TIAM2: variants seen among roughly 807,000 people sequenced by gnomAD.
The protein encoded by TIAM2 is rho guanine nucleotide exchange factor TIAM2.
TIAM2 carries 80 observed loss-of-function variants against 152.9 expected under a neutral mutation model. That is an observed-to-expected ratio of 0.52 (90% CI 0.44 to 0.63). The LOEUF is 0.63. Ranked by LOEUF, TIAM2 falls within the 30% of genes least tolerant of loss-of-function variation. TIAM2 has a pLI of 0.00. For missense variants in TIAM2, 1,965 were observed against 2,120.1 expected, an observed-to-expected ratio of 0.93 and a Z score of 1.44; for synonymous variants, 804 against 838.0, an observed-to-expected ratio of 0.96 and a Z score of 0.70.
intron 2 of TIAM2, among the ~76,000 whole-genome samples, chr6:155,104,064 ACC>A (rs1318379082): frequency 2.0e-5 from 1 of 49,032 alleles, no homozygotes; most frequent in African/African-American, 7.6e-5. Context: ...ACCCCCACAC[ACC>A]CCCACACACC....
chr6:155,091,728 AAGT>A (rs1377949570), intron 2 of TIAM2, among the ~76,000 whole-genome samples: 3 of 152,140 alleles, frequency 2.0e-5, no homozygotes, highest in Non-Finnish European at 2.9e-5. Context: ...GAATATCCAA[AAGT>A]AGTATCTAAT....
chr6:155,186,424 A>T lies in TIAM2; in HGVS notation c.3064+2924A>T, dbSNP rs1233194245. Among the ~76,000 whole-genome samples the T allele has an allele frequency of 6.6e-6, 1 of 151,422 alleles. No individual in the cohort carries two copies. The highest frequency in any genetic ancestry group is 6.6e-5 in the Admixed American group (1 of 15,210). ...ATGGGCTTCCTGCCCTTCTTGCCTCACTGTCCCTACCCCTTCCTTTGGGAA... is the reference window on the plus strand; with the variant it reads ...ATGGGCTTCCTGCCCTTCTTGCCTCTCTGTCCCTACCCCTTCCTTTGGGAA... On this transcript the variant is annotated intron_variant, in intron 14 of 26. Transcript: ENST00000682666. The surrounding 1 kb of genome is among the most constrained non-coding windows in gnomAD (Gnocchi z 4.5).
intron 2 of TIAM2, among the ~76,000 whole-genome samples, chr6:155,122,790 CG>C (rs1000178946): frequency 6.6e-6 from 1 of 151,730 alleles, no homozygotes; most frequent in Non-Finnish European, 1.5e-5. Context: ...GGGGTTGCTG[CG>C]GGTGACTGTA....
chr6:155,144,655 G>A lies in TIAM2; in HGVS notation c.1680G>A (p.Gln560=). The change falls in exon 6 of 27, where the codon CAG becomes CAA. Residue 560 remains glutamine, a synonymous_variant. Coordinates refer to ENST00000682666, the MANE Select transcript of TIAM2 (RefSeq NM_012454.4). The stretch of plus-strand genomic sequence containing the variant: ...CCTATGGGAAGAATTCCATGGATCA[G>A]AGCAGTGCCCCTCGGTGTGCTCTGT... The part of the protein sequence containing the change: ...YETYGKNSMD[Q]SSAPRCALFA... 1 of 1,601,158 alleles carries A rather than the reference G, an allele frequency of 6.2e-7. No individual in the cohort carries two copies. The highest frequency in any genetic ancestry group is 1.3e-5 in the African/African-American group (1 of 74,164).
chr6:155,246,528 G>C (rs1263393586), intron 19 of TIAM2, among the ~76,000 whole-genome samples: 3 of 152,040 alleles, frequency 2.0e-5, no homozygotes, highest in Non-Finnish European at 4.4e-5. Flanking sequence ...GTAGAAATGG[G>C]TCTCACTGTG....
At chr6:155,148,373 A>G in intron 7 of TIAM2, 39 bp downstream of exon 7, 1 of 1,578,178 alleles carries the variant, frequency 6.3e-7, no homozygotes, top group Non-Finnish European at 8.6e-7. Context: ...TCCATTGCTC[A>G]TGTCACTTGT....
Position 155,256,604 on chromosome 6 carries a change from G to A in TIAM2, c.4589G>A (p.Ser1530Asn), listed in dbSNP as rs201441977. 638 of 1,614,090 alleles carry A rather than the reference G, an allele frequency of 4.0e-4. No individual in the cohort carries two copies. Among genetic ancestry groups the A allele is most frequent in the Non-Finnish European group, 5.3e-4 (622 of 1,180,046 alleles). The change falls in exon 27 of 27, where the codon AGC becomes AAC. Residue 1530 changes from serine to asparagine, a missense_variant. Coordinates refer to ENST00000682666, the MANE Select transcript of TIAM2 (RefSeq NM_012454.4). ...AGCTTGAGCAGCGGCACCCAGAGCA[G>A]CGGCTGCCCCACGGCTGAGGGCAGG... Reference protein sequence around the residue: ...EGSLSSGTQSSGCPTAEGRQD... With the variant: ...EGSLSSGTQSNGCPTAEGRQD...
At chr6:155,157,813 G>T (rs756592637) in intron 7 of TIAM2, among the ~76,000 whole-genome samples, 22 of 152,154 alleles carry the variant, frequency 1.4e-4, no homozygotes, top group Non-Finnish European at 2.8e-4. Flanking sequence ...ACCAGGTGAT[G>T]AATTGTTTTG....
intron 1 of TIAM2, among the ~76,000 whole-genome samples, chr6:155,034,058 T>A (rs79203399): frequency 2.5e-4 from 34 of 138,150 alleles, no homozygotes; most frequent in Middle Eastern, 3.9e-3. Flanking sequence ...TTTTTTTTTT[T>A]CCTGCCTCCC....
At chr6:155,207,673 C>A (rs1206620754) in intron 14 of TIAM2, among the ~76,000 whole-genome samples, 1 of 152,148 alleles carries the variant, frequency 6.6e-6, no homozygotes, top group South Asian at 2.1e-4. Flanking sequence ...AGTTAAGGGG[C>A]TCTAGGGGGC....
chr6:155,083,208 G>A (rs1398909618), intron 1 of TIAM2, among the ~76,000 whole-genome samples: 1 of 151,986 alleles, frequency 6.6e-6, no homozygotes, highest in Admixed American at 6.6e-5. Context: ...AATTAGCCGG[G>A]GATGGTGGCG....
At chr6:155,024,643 C>A (rs1370567554) in intron 1 of TIAM2, among the ~76,000 whole-genome samples, 2 of 77,688 alleles carry the variant, frequency 2.6e-5, no homozygotes. Context: ...TGGTATAAAT[C>A]CATGTCTTTA....
In TIAM2 at chr6:155,028,454, CATATA is replaced by C. The variant is rs201205772; in HGVS notation, c.-209+32968_-209+32972del. ...TATATATACTGTGTTACATATACTA[CATATA>C]ATATATATACTGTGTTACATATACT... On this transcript the variant is annotated intron_variant, in intron 1 of 26. Coordinates refer to ENST00000682666, the MANE Select transcript of TIAM2 (RefSeq NM_012454.4). Among the ~76,000 whole-genome samples the C allele has an allele frequency of 7.5e-3, 990 of 131,484 alleles. 22 individuals are homozygous for C. The highest frequency in any genetic ancestry group is 0.012 in the Non-Finnish European group (739 of 63,576). The allele number at this position is 131,484 out of a possible 152,430, so 86.3% of individuals were successfully genotyped here.
intron 1 of TIAM2, among the ~76,000 whole-genome samples, chr6:155,036,672 C>T (rs1477220561): frequency 6.6e-6 from 1 of 151,452 alleles, no homozygotes; most frequent in African/African-American, 2.4e-5. Context: ...GGCTGGAGTG[C>T]AATGGCATGA....
At chr6:155,060,950 G>A (rs1168826479) in intron 1 of TIAM2, among the ~76,000 whole-genome samples, 1 of 151,486 alleles carries the variant, frequency 6.6e-6, no homozygotes, top group African/African-American at 2.5e-5. Context: ...GCTAGCTCTT[G>A]TGTTCTTTTA....
rs1273261756 is a variant in TIAM2 at position 155,256,905 on chromosome 6, G to A, written c.4890G>A (p.Gly1630=). 6.2e-6 allele frequency: 10 copies of A among 1,614,044 alleles called. No individual in the cohort carries two copies. The highest frequency in any genetic ancestry group is 8.5e-6 in the Non-Finnish European group (10 of 1,180,038). ...KGGEQPKLVR[G]HFCPIKRKAN... The stretch of plus-strand genomic sequence containing the variant: ...GAGAGCAGCCCAAACTGGTCCGGGG[G>A]CACTTCTGCCCCATTAAACGAAAAG... Residue 1630 remains glycine, a synonymous_variant, in exon 27 of 27, where the codon GGG becomes GGA. Coordinates refer to ENST00000682666, the MANE Select transcript of TIAM2 (RefSeq NM_012454.4).
Position 155,114,055 on chromosome 6 carries a change from T to A in TIAM2, c.-117-13435T>A, listed in dbSNP as rs1334003033. Reference sequence around the variant, plus strand: ...ATATATATTTTTTTTTTTTTCTTTTTTTTTTTTTTTTTTTTTGAAATGGAG... The same window carrying A: ...ATATATATTTTTTTTTTTTTCTTTTATTTTTTTTTTTTTTTTGAAATGGAG... On this transcript the variant is annotated intron_variant, in intron 2 of 26. Coordinates refer to ENST00000682666, the MANE Select transcript of TIAM2 (RefSeq NM_012454.4). Among the ~76,000 whole-genome samples the A allele has an allele frequency of 1.8e-4, 18 of 100,962 alleles. 1 individual carries two copies. The highest frequency in any genetic ancestry group is 8.1e-4 in the East Asian group (3 of 3,720). The allele number at this position is 100,962 out of a possible 152,430, so 66.2% of individuals were successfully genotyped here.
At chr6:155,104,480 C>CG (rs1161139387) in intron 2 of TIAM2, among the ~76,000 whole-genome samples, 2 of 152,072 alleles carry the variant, frequency 1.3e-5, no homozygotes, top group Non-Finnish European at 2.9e-5. Context: ...AAAGCATGGC[C>CG]GGCACGGTGG....
intron 14 of TIAM2, among the ~76,000 whole-genome samples, chr6:155,192,045 C>T (rs116654020): frequency 6.6e-6 from 1 of 151,812 alleles, no homozygotes; most frequent in African/African-American, 2.4e-5. Context: ...ATGTGGGGGG[C>T]CCAGTGTAGT....
Sources: gnomAD v4.1 joint callset for allele counts (sites outside exome capture counted in the v4.1 genomes callset) on GRCh38, gnomAD v4.1.1 for gene constraint, Gnocchi (gnomAD v3.1) non-coding constraint, MANE v1.5 for transcripts, NCBI Gene and HGNC (gene_info 2026-07-23, HGNC 2026-07-21) for gene names.